Variants in EEA1 observed in about 807,000 individuals in gnomAD.
EEA1 encodes the protein early endosome antigen 1, 162kD.
EEA1 carries 111 observed loss-of-function variants against 209.2 expected under a neutral mutation model. The observed-to-expected ratio is 0.53, with a 90% confidence interval of 0.45 to 0.62. EEA1 has a LOEUF of 0.62. Ranked by LOEUF, EEA1 falls within the 20% of genes least tolerant of loss-of-function variation. The pLI, the probability that EEA1 is intolerant of heterozygous loss-of-function variation, is 0.00. For missense variants in EEA1, 1,343 were observed against 1,530.8 expected, an observed-to-expected ratio of 0.88 and a Z score of 2.05; for synonymous variants, 536 against 540.6, an observed-to-expected ratio of 0.99 and a Z score of 0.12.
chr12:92,858,977 C>T (rs1456983606), intron 3 of EEA1: 1 of 687,582 alleles, frequency 1.5e-6, no homozygotes, highest in Non-Finnish European at 2.7e-6. Context: ...GCTGCCTATG[C>T]TGCTCATTCA....
intron 1 of EEA1, among the ~76,000 whole-genome samples, chr12:92,906,579 G>A (rs1465851195): frequency 7.2e-5 from 11 of 152,296 alleles, no homozygotes; most frequent in Admixed American, 3.9e-4. Context: ...CTGGGAGGCC[G>A]AGGCGGGCGG....
intron 21 of EEA1, among the ~76,000 whole-genome samples, chr12:92,792,684 C>T (rs1038538631): frequency 3.9e-5 from 6 of 152,160 alleles, no homozygotes; most frequent in African/African-American, 1.4e-4. Context: ...AGATTCACAG[C>T]TGAATTCTAC....
chr12:92,910,167 T>TAAA (rs1880525630), intron 1 of EEA1, among the ~76,000 whole-genome samples: 1 of 143,144 alleles, frequency 7.0e-6, no homozygotes, highest in African/African-American at 2.6e-5. Flanking sequence ...TAATTAAATT[T>TAAA]TAATTTTAAA....
chr12:92,865,380 A>AAT (rs1428913944), intron 2 of EEA1, among the ~76,000 whole-genome samples: 26 of 142,824 alleles, frequency 1.8e-4, no homozygotes, highest in South Asian at 1.3e-3. Context: ...AATGCTATGA[A>AAT]AAAAAAAAAA....
intron 21 of EEA1, among the ~76,000 whole-genome samples, chr12:92,792,871 G>A (rs966350703): frequency 6.6e-5 from 10 of 152,040 alleles, no homozygotes; most frequent in Non-Finnish European, 1.2e-4. Flanking sequence ...ACATCGATGC[G>A]AAAATCCTCA....
In EEA1 at chr12:92,857,275, T is replaced by C; in HGVS notation, c.366A>G (p.Gln122=). 6.3e-7 allele frequency: 1 copy of C among 1,578,506 alleles called. No individual in the cohort carries two copies. The highest frequency in any genetic ancestry group is 8.6e-7 in the Non-Finnish European group (1 of 1,167,062). The change falls in exon 5 of 29, where the codon CAA becomes CAG. Residue 122 remains glutamine (Q), a splice_region_variant and synonymous_variant. Coordinates refer to ENST00000322349, the MANE Select transcript of EEA1 (RefSeq NM_003566.4). ...ELEKYQGLQQ[Q]EAKPDGLVTD... is the part of the protein sequence containing the mutation. ...GCTTTAAGTAGTTAAAAGCAATTAC[T>C]TGCTGCTGCAGCCCTTGATATTTTT...
intron 11 of EEA1, among the ~76,000 whole-genome samples, chr12:92,832,305 G>A (rs1876688618): frequency 6.6e-6 from 1 of 151,982 alleles, no homozygotes; most frequent in Admixed American, 6.6e-5. Context: ...CCACAAAGCT[G>A]TAAGATGGAT....
chr12:92,894,503 CTACTCCAGTGAACACA>C (rs1451776645), intron 1 of EEA1, among the ~76,000 whole-genome samples: 104 of 152,314 alleles, frequency 6.8e-4, no homozygotes, highest in African/African-American at 2.4e-3. Context: ...ATTAAAAGTG[CTACTCCAGTGAACACA>C]CAAATGATAA....
In EEA1 at chr12:92,832,767, C is replaced by G. The variant is rs1876717451; in HGVS notation, c.999G>C (p.Lys333Asn). The G allele has an allele frequency of 6.2e-7, 1 of 1,613,870 alleles. No homozygotes were observed. Residue 333 changes from lysine (K) to asparagine (N), a missense_variant, in exon 11 of 29, where the codon AAG becomes AAC. By Grantham distance (94) the Lys-to-Asn change is moderately conservative (BLOSUM62 0). This residue lies in a region of EEA1 where 1,307 missense variants were observed against 1,465.5 expected (regional missense o/e 0.89). Coordinates refer to ENST00000322349, the MANE Select transcript of EEA1 (RefSeq NM_003566.4). ...TTTGATGAAGGGTTGCCTGAATATTCTTTTTACTCACAGATTCTTCATTAT... is the reference window on the plus strand; with the variant it reads ...TTTGATGAAGGGTTGCCTGAATATTGTTTTTACTCACAGATTCTTCATTAT... Reference protein sequence around the residue: ...EKHNEESVSKKNIQATLHQKD... With the variant: ...EKHNEESVSKNNIQATLHQKD...
At chr12:92,804,080 A>C (rs1875066725) in intron 18 of EEA1, among the ~76,000 whole-genome samples, 1 of 152,160 alleles carries the variant, frequency 6.6e-6, no homozygotes. Flanking sequence ...GAACAACCAG[A>C]GGAACAAATT....
intron 2 of EEA1, among the ~76,000 whole-genome samples, chr12:92,888,466 A>G (rs1377493988): frequency 6.6e-6 from 1 of 151,874 alleles, no homozygotes; most frequent in Non-Finnish European, 1.5e-5. Flanking sequence ...AGTCCCAGCT[A>G]CTCGGGAGGC....
At chr12:92,798,706 G>A (rs1592707795) in intron 21 of EEA1, among the ~76,000 whole-genome samples, 186 bp downstream of exon 21, 2 of 152,134 alleles carry the variant, frequency 1.3e-5, no homozygotes, top group East Asian at 3.8e-4. Context: ...GAGAGTTATA[G>A]TGAATGGAAA....
intron 21 of EEA1, among the ~76,000 whole-genome samples, chr12:92,795,846 A>AT (rs1210248948): frequency 6.6e-6 from 1 of 151,942 alleles, no homozygotes; most frequent in African/African-American, 2.4e-5. Flanking sequence ...TTTCTTTAAC[A>AT]TTTTTTCACA....
intron 2 of EEA1, among the ~76,000 whole-genome samples, chr12:92,872,793 A>C (rs1342745967): frequency 6.6e-6 from 1 of 152,088 alleles, no homozygotes; most frequent in Non-Finnish European, 1.5e-5. Context: ...TCTCTCCTAA[A>C]AATACAAAAA....
chr12:92,819,777 T>C (rs1413538495), intron 13 of EEA1, among the ~76,000 whole-genome samples: 1 of 152,126 alleles, frequency 6.6e-6, no homozygotes, highest in African/African-American at 2.4e-5. Flanking sequence ...GACCTCCTGC[T>C]ACTACTCTTT....
intron 21 of EEA1, among the ~76,000 whole-genome samples, chr12:92,797,088 G>T (rs1056569588): frequency 3.9e-5 from 6 of 152,042 alleles, no homozygotes; most frequent in African/African-American, 1.4e-4. Flanking sequence ...TTTTGGTTTT[G>T]TTTTGTTTTG....
chr12:92,830,441 A>G (rs1006777216), intron 11 of EEA1, among the ~76,000 whole-genome samples: 1 of 152,042 alleles, frequency 6.6e-6, no homozygotes, highest in Non-Finnish European at 1.5e-5. Context: ...TTCTGTTCCT[A>G]TATTAGCTCG....
chr12:92,843,159 T>A lies in EEA1; in HGVS notation c.799-578A>T, dbSNP rs147060043. ...ATGAACTTGCTTTAGTGCATTTTAA[T>A]TATTATTATTTTTTTTTATACAGGG... On this transcript the variant is annotated intron_variant, in intron 9 of 28. Transcript: ENST00000322349. 3.6e-3 allele frequency among the ~76,000 whole-genome samples: 543 copies of A among 152,248 alleles called. 6 individuals carry two copies. Among genetic ancestry groups the A allele is most frequent in the African/African-American group, 0.012 (506 of 41,556 alleles).
intron 5 of EEA1, 98 bp downstream of exon 5, chr12:92,857,177 T>A: frequency 1.2e-6 from 1 of 841,926 alleles, no homozygotes; most frequent in Non-Finnish European, 1.8e-6. Context: ...GTTATTTATA[T>A]CAGGCCGCCA....
Sources: allele counts gnomAD v4.1 joint callset (sites outside exome capture counted in the v4.1 genomes callset), GRCh38; gene constraint gnomAD v4.1.1; regional missense constraint gnomAD v4.1.1; transcripts MANE v1.5; gene names NCBI Gene and HGNC (gene_info 2026-07-23, HGNC 2026-07-21).